The following DPP10 variants were observed in gnomAD, a reference collection of about 807,000 sequenced individuals.
The protein encoded by DPP10 is inactive dipeptidyl peptidase 10.
A neutral mutation model predicts 120.9 loss-of-function variants in DPP10; 33 were observed. The ratio of observed to expected loss-of-function variants is 0.27; its 90% CI spans 0.21 to 0.37. The LOEUF (loss-of-function observed/expected upper bound fraction) is 0.37, where lower values mean the gene tolerates loss of function less well. DPP10 is among the 10% of genes least tolerant of loss of function. The probability of loss-of-function intolerance (pLI) is 1.00; values close to 1 mark genes in which losing one functional copy is unlikely to be tolerated. For missense variants in DPP10, 816 were observed against 942.8 expected (o/e 0.87, Z 1.76); for synonymous variants, 337 against 326.1 (o/e 1.03, Z -0.36).
chr2:115,005,066 C>A (rs1031087648), intron 1 of DPP10, among the ~76,000 whole-genome samples: 1 of 152,028 alleles, frequency 6.6e-6, no homozygotes, highest in Non-Finnish European at 1.5e-5. Context: ...GACCCCTGAC[C>A]CCCGAGAAGC....
chr2:115,192,164 T>C (rs1478511703), intron 1 of DPP10, among the ~76,000 whole-genome samples: 3 of 152,252 alleles, frequency 2.0e-5, no homozygotes, highest in Admixed American at 1.3e-4. Flanking sequence ...CAATGTTTTC[T>C]ATTAATCTAA....
chr2:114,598,959 TG>T (rs1053352665), intron 1 of DPP10, among the ~76,000 whole-genome samples: 3 of 151,898 alleles, frequency 2.0e-5, no homozygotes, highest in Non-Finnish European at 4.4e-5. Context: ...GATAAGAGAA[TG>T]GAAGCCAATG....
chr2:115,698,153 T>A (rs2091698432), intron 7 of DPP10, among the ~76,000 whole-genome samples: 1 of 152,080 alleles, frequency 6.6e-6, no homozygotes, highest in African/African-American at 2.4e-5. Context: ...TTTTAAAAAA[T>A]TATCACACAA....
chr2:115,514,235 T>A (rs66529025), intron 4 of DPP10, among the ~76,000 whole-genome samples: 32,189 of 151,824 alleles, frequency 0.21, 3,927 homozygotes, highest in East Asian at 0.39. Flanking sequence ...TATCTATGTG[T>A]GGATCTTTTT....
At chr2:115,327,944 C>T (rs545537674) in intron 2 of DPP10, among the ~76,000 whole-genome samples, 2 of 152,064 alleles carry the variant, frequency 1.3e-5, no homozygotes, top group African/African-American at 4.8e-5. Context: ...GCTTTTGTAT[C>T]ACAAGTGAAA....
chr2:114,451,698 T>C (rs916282969), intron 1 of DPP10, among the ~76,000 whole-genome samples: 3 of 152,122 alleles, frequency 2.0e-5, no homozygotes, highest in African/African-American at 7.2e-5. Context: ...GGACTTTGTG[T>C]TGTTTTTCAG....
intron 3 of DPP10, among the ~76,000 whole-genome samples, chr2:115,458,109 G>A (rs1445925469): frequency 6.6e-6 from 1 of 152,124 alleles, no homozygotes; most frequent in Non-Finnish European, 1.5e-5. Context: ...AAATTTTCTA[G>A]AGACAAAGAG....
intron 3 of DPP10, among the ~76,000 whole-genome samples, chr2:115,439,339 T>C (rs558994286): frequency 6.6e-6 from 1 of 152,354 alleles, no homozygotes; most frequent in Non-Finnish European, 1.5e-5. Context: ...GAAGTTATTA[T>C]TTAATGAGTA....
intron 5 of DPP10, among the ~76,000 whole-genome samples, chr2:115,685,630 G>T (rs2090947686): frequency 1.3e-5 from 2 of 151,810 alleles, no homozygotes. Context: ...GTAAATACAG[G>T]TTATCAACTG....
At chr2:115,826,850 A>G (rs1355061958) in intron 21 of DPP10, among the ~76,000 whole-genome samples, 6 of 152,116 alleles carry the variant, frequency 3.9e-5, no homozygotes, top group Non-Finnish European at 8.8e-5. Flanking sequence ...ACATTTACGT[A>G]TTACGTATTT....
intron 1 of DPP10, among the ~76,000 whole-genome samples, chr2:114,873,373 C>T (rs1690858208): frequency 6.6e-6 from 1 of 152,128 alleles, no homozygotes; most frequent in Non-Finnish European, 1.5e-5. Context: ...GATGAGTCTA[C>T]CCATGTTGAC....
At chr2:115,481,778 A>G (rs1187172015) in intron 3 of DPP10, among the ~76,000 whole-genome samples, 1 of 151,980 alleles carries the variant, frequency 6.6e-6, no homozygotes, top group African/African-American at 2.4e-5. Flanking sequence ...TCATTATTTC[A>G]TTCTCTTTTA....
At chr2:115,185,984 C>T (rs1462629029) in intron 1 of DPP10, among the ~76,000 whole-genome samples, 1 of 152,174 alleles carries the variant, frequency 6.6e-6, no homozygotes, top group Non-Finnish European at 1.5e-5. Flanking sequence ...AACTCACTAC[C>T]ACCTCTACTT....
At chr2:114,703,019 G>A (rs1344863566) in intron 1 of DPP10, among the ~76,000 whole-genome samples, 1 of 151,996 alleles carries the variant, frequency 6.6e-6, no homozygotes, top group Non-Finnish European at 1.5e-5. Flanking sequence ...AGAAGGGGAG[G>A]GGATATACAT....
At chr2:115,574,552 C>T (rs1242200402) in intron 5 of DPP10, among the ~76,000 whole-genome samples, 1 of 152,304 alleles carries the variant, frequency 6.6e-6, no homozygotes, top group Admixed American at 6.5e-5. Context: ...TGCAACAAGG[C>T]TTTCTTAAAC....
chr2:115,641,739 A>C (rs2086798038), intron 5 of DPP10, among the ~76,000 whole-genome samples: 1 of 152,026 alleles, frequency 6.6e-6, no homozygotes, highest in South Asian at 2.1e-4. Context: ...GAATAAATGA[A>C]TGGATAAATG....
intron 1 of DPP10, among the ~76,000 whole-genome samples, chr2:115,024,940 T>C (rs1251464194): frequency 2.0e-5 from 3 of 150,990 alleles, no homozygotes; most frequent in African/African-American, 7.3e-5. Context: ...CTTTAAAATG[T>C]ATATTAATTT....
chr2:115,490,988 C>G (rs2076083501), intron 3 of DPP10, among the ~76,000 whole-genome samples: 1 of 152,120 alleles, frequency 6.6e-6, no homozygotes, highest in Non-Finnish European at 1.5e-5. Flanking sequence ...TGTGTTGACT[C>G]ACACCTGTAG....
chr2:115,055,050 C>T (rs1455236813), intron 1 of DPP10, among the ~76,000 whole-genome samples: 2 of 152,144 alleles, frequency 1.3e-5, no homozygotes, highest in African/African-American at 4.8e-5. Flanking sequence ...GAATTGCCCA[C>T]TCTGCTTTAA....
Sources: allele counts gnomAD v4.1 joint callset (sites outside exome capture counted in the v4.1 genomes callset), GRCh38; gene constraint gnomAD v4.1.1; transcripts MANE v1.5; gene names NCBI Gene and HGNC (gene_info 2026-07-23, HGNC 2026-07-21).